PARD3: variants seen among roughly 807,000 people sequenced by gnomAD.
The protein encoded by PARD3 is partitioning defective 3 homolog.
A neutral mutation model predicts 155.4 loss-of-function variants in PARD3; 75 were observed. That is an observed-to-expected ratio of 0.48 (90% CI 0.40 to 0.58). The LOEUF (loss-of-function observed/expected upper bound fraction) is 0.58. Among genes scored for constraint, PARD3 ranks in the 20% least tolerant of loss-of-function variants. The pLI is 0.00. For missense variants in PARD3, 1,642 were observed against 1,721.7 expected (o/e 0.95, Z 0.82); for synonymous variants, 576 against 610.5 (o/e 0.94, Z 0.83).
chr10:34,123,240 T>C (rs1947100191), intron 23 of PARD3, among the ~76,000 whole-genome samples: 1 of 152,186 alleles, frequency 6.6e-6, no homozygotes. Context: ...TGGAGAGCCA[T>C]GATATGTAAA....
At chr10:34,647,206 T>C (rs987851343) in intron 2 of PARD3, among the ~76,000 whole-genome samples, 2 of 152,328 alleles carry the variant, frequency 1.3e-5, no homozygotes, top group East Asian at 3.9e-4. Flanking sequence ...AACCTCACAA[T>C]GTTCATTATT....
At chr10:34,380,324 T>C (rs1486384837) in intron 9 of PARD3, among the ~76,000 whole-genome samples, 3 of 152,174 alleles carry the variant, frequency 2.0e-5, no homozygotes, top group Non-Finnish European at 2.9e-5. Flanking sequence ...CTCTATATCA[T>C]TAAGATTACT....
chr10:34,471,896 C>T (rs541292725), intron 3 of PARD3, among the ~76,000 whole-genome samples: 1 of 152,284 alleles, frequency 6.6e-6, no homozygotes, highest in East Asian at 1.9e-4. Flanking sequence ...GTAAACTCAT[C>T]ATTTGTTCTA....
chr10:34,652,537 C>T (rs1294936774), intron 2 of PARD3, among the ~76,000 whole-genome samples: 6 of 152,174 alleles, frequency 3.9e-5, no homozygotes, highest in Middle Eastern at 3.2e-3. Flanking sequence ...GATAGAAATA[C>T]GACTCCAAGA....
At chr10:34,440,693 A>G (rs963806687) in intron 5 of PARD3, among the ~76,000 whole-genome samples, 3 of 152,094 alleles carry the variant, frequency 2.0e-5, no homozygotes, top group African/African-American at 4.8e-5. Context: ...AGGCCAAAGA[A>G]GCAATAAATA....
chr10:34,385,111 C>T (rs944363918), intron 7 of PARD3, among the ~76,000 whole-genome samples: 2 of 152,038 alleles, frequency 1.3e-5, no homozygotes, highest in African/African-American at 2.4e-5. Context: ...GCTCTGATTG[C>T]TGTTATTTTT....
At chr10:34,430,763 G>A (rs1318053399) in intron 5 of PARD3, among the ~76,000 whole-genome samples, 1 of 152,178 alleles carries the variant, frequency 6.6e-6, no homozygotes, top group African/African-American at 2.4e-5. Flanking sequence ...GGAAGAAAGA[G>A]GCAATTTCCC....
chr10:34,770,840 A>AT (rs1415163787), intron 1 of PARD3, among the ~76,000 whole-genome samples: 5 of 152,150 alleles, frequency 3.3e-5, no homozygotes, highest in African/African-American at 4.8e-5. Context: ...CTCAGTTTCC[A>AT]TGACAGACCC....
intron 2 of PARD3, among the ~76,000 whole-genome samples, chr10:34,605,562 ATATATATATATATCTCC>A (rs2090214186): frequency 7.5e-5 from 2 of 26,592 alleles, no homozygotes; most frequent in Non-Finnish European, 1.2e-4. Flanking sequence ...TATATCTCCT[ATATATATATATATCTCC>A]TATATATATC....
At position 34,169,228 on chromosome 10, in the gene PARD3, A is replaced by G. The variant is rs866558985; in HGVS notation, c.3420-37645T>C. ...GTGCTGTGCATTGCAGGAAATAGAAAGAAGATCTGTACAATCTTTACTCTC... is the reference window on the plus strand; with the variant it reads ...GTGCTGTGCATTGCAGGAAATAGAAGGAAGATCTGTACAATCTTTACTCTC... On this transcript the variant is annotated intron_variant, in intron 22 of 24. Coordinates refer to ENST00000374788, the MANE Select transcript of PARD3 (RefSeq NM_001184785.2). Among the ~76,000 whole-genome samples, 29 of 152,238 alleles carry G rather than the reference A, an allele frequency of 1.9e-4. 1 individual carries two copies. The highest frequency in any genetic ancestry group is 6.0e-4 in the African/African-American group (25 of 41,458).
At chr10:34,213,153 T>G (rs1345129087) in intron 22 of PARD3, among the ~76,000 whole-genome samples, 1 of 152,130 alleles carries the variant, frequency 6.6e-6, no homozygotes, top group Non-Finnish European at 1.5e-5. Context: ...AGGTTCAAGA[T>G]TGGGCAGCTG....
At chr10:34,449,420 A>T (rs1242948858) in intron 5 of PARD3, among the ~76,000 whole-genome samples, 3 of 135,294 alleles carry the variant, frequency 2.2e-5, no homozygotes, top group Non-Finnish European at 4.6e-5. Context: ...CTGAAGCATT[A>T]AAAAAAAAAC....
chr10:34,302,692 G>A (rs1296095810), intron 20 of PARD3, among the ~76,000 whole-genome samples: 1 of 152,148 alleles, frequency 6.6e-6, no homozygotes, highest in East Asian at 1.9e-4. Context: ...TCTTCTTACA[G>A]ATGATATCAA....
intron 23 of PARD3, among the ~76,000 whole-genome samples, chr10:34,128,937 G>A (rs575443465): frequency 6.6e-6 from 1 of 152,124 alleles, no homozygotes; most frequent in Admixed American, 6.5e-5. Flanking sequence ...TCAATGCAGG[G>A]ACCAAGAATA....
At chr10:34,184,463 GAATT>G (rs993144660) in intron 22 of PARD3, among the ~76,000 whole-genome samples, 6 of 152,144 alleles carry the variant, frequency 3.9e-5, no homozygotes, top group Non-Finnish European at 7.3e-5. Flanking sequence ...GGGGTTTAGA[GAATT>G]AATTAATGTT....
At chr10:34,805,535 G>T (rs534185867) in intron 1 of PARD3, among the ~76,000 whole-genome samples, 1 of 112,602 alleles carries the variant, frequency 8.9e-6, no homozygotes. Flanking sequence ...AAATACACAC[G>T]TATGTGCATA....
At chr10:34,648,810 T>G (rs187187413) in intron 2 of PARD3, among the ~76,000 whole-genome samples, 2 of 152,274 alleles carry the variant, frequency 1.3e-5, no homozygotes, top group South Asian at 2.1e-4. Flanking sequence ...TATGTGACAT[T>G]TTTAAGGAAG....
chr10:34,204,181 A>G (rs535805380), intron 22 of PARD3, among the ~76,000 whole-genome samples: 2 of 152,234 alleles, frequency 1.3e-5, no homozygotes, highest in Non-Finnish European at 2.9e-5. Context: ...CTTTTCAAAG[A>G]AAGTTGCAAG....
chr10:34,363,202 C>T (rs1207982394), intron 12 of PARD3, among the ~76,000 whole-genome samples: 1 of 152,156 alleles, frequency 6.6e-6, no homozygotes, highest in Non-Finnish European at 1.5e-5. Context: ...ATTTTTCCTA[C>T]TTGAAAGATC....
Sources: gnomAD v4.1 joint callset for allele counts (sites outside exome capture counted in the v4.1 genomes callset) on GRCh38, gnomAD v4.1.1 for gene constraint, MANE v1.5 for transcripts, NCBI Gene and HGNC (gene_info 2026-07-23, HGNC 2026-07-21) for gene names.